Variants in GALC observed in about 807,000 individuals in gnomAD.
GALC encodes galactosylceramidase, also known as galactocerebrosidase.
GALC carries 77 observed loss-of-function variants against 91.8 expected under a neutral mutation model. The observed-to-expected ratio is 0.84, with a 90% CI of 0.70 to 1.01. GALC has a LOEUF of 1.01. Ranked by LOEUF, GALC falls within the 50% of genes least tolerant of loss-of-function variation. The pLI, the probability that GALC is intolerant of heterozygous loss-of-function variation, is 0.00. For synonymous variants in GALC, 357 were observed against 306.7 expected, an observed-to-expected ratio of 1.16 and a Z score of -1.71; for missense variants, 882 against 855.9, an observed-to-expected ratio of 1.03 and a Z score of -0.38.
intron 10 of GALC, chr14:87,954,259 A>C: frequency 2.0e-6 from 3 of 1,534,862 alleles, no homozygotes; most frequent in Non-Finnish European, 1.8e-6. Flanking sequence ...GAGCACCTTC[A>C]GCCTGATGTA....
chr14:87,966,640 G>C (rs1308867777), intron 8 of GALC, among the ~76,000 whole-genome samples: 3 of 152,148 alleles, frequency 2.0e-5, no homozygotes, highest in Non-Finnish European at 4.4e-5. Context: ...CCCATGGTTT[G>C]CAAGATGTGT....
intron 10 of GALC, among the ~76,000 whole-genome samples, chr14:87,959,953 T>C (rs4462528): frequency 0.13 from 19,071 of 152,050 alleles, 1,380 homozygotes; most frequent in South Asian, 0.25. Context: ...CTATTAGTCA[T>C]AGAATGAAAT....
Position 87,941,569 on chromosome 14 carries a change from A to C in GALC, c.1671-11T>G. ...ATAGTCAGATTGGTCCTGCAAAATA[A>C]AACGGTTGATTAGTACTCTTTAAAA... On this transcript the variant is annotated splice_polypyrimidine_tract_variant and intron_variant, in intron 14 of 16. Coordinates refer to ENST00000261304, the MANE Select transcript of GALC (RefSeq NM_000153.4). The C allele has an allele frequency of 6.5e-7, 1 of 1,537,948 alleles. No homozygotes were observed. The highest frequency in any genetic ancestry group is 9.0e-7 in the Non-Finnish European group (1 of 1,110,812).
chr14:87,934,865 G>C lies in GALC; in HGVS notation c.1925C>G (p.Ser642Cys), dbSNP rs755100827. 6 of 1,609,290 alleles carry C rather than the reference G, an allele frequency of 3.7e-6. No individual in the cohort carries two copies. In the East Asian group the frequency reaches 1.3e-4, roughly 36 times the overall value. Residue 642 changes from serine to cysteine, a missense_variant, in exon 17 of 17, where the codon TCT becomes TGT. Transcript: ENST00000261304. Reference sequence around the variant, plus strand: ...CAGAGACTTGTCATTCAGCATGCCAGAGGTGAAATGACCCTAGAGTAGAAA... The same window carrying C: ...CAGAGACTTGTCATTCAGCATGCCACAGGTGAAATGACCCTAGAGTAGAAA... ...LTLTIKGHFT[S>C]GMLNDKSLWT...
At chr14:87,971,325 G>C (rs534286859) in intron 7 of GALC, among the ~76,000 whole-genome samples, 2 of 152,308 alleles carry the variant, frequency 1.3e-5, no homozygotes, top group African/African-American at 4.8e-5. Context: ...GGGGAGCATA[G>C]AAGACCAACT....
chr14:87,943,026 T>C (rs1359881977), intron 14 of GALC, among the ~76,000 whole-genome samples: 3 of 151,968 alleles, frequency 2.0e-5, no homozygotes, highest in African/African-American at 4.8e-5. Context: ...CTATTTAGAG[T>C]TGGAATGAGA....
intron 13 of GALC, among the ~76,000 whole-genome samples, chr14:87,947,301 T>C (rs572747317): frequency 4.6e-5 from 7 of 151,660 alleles, no homozygotes; most frequent in African/African-American, 1.7e-4. Flanking sequence ...CGGGATGGTA[T>C]ATAATGAGTT....
Position 87,945,555 on chromosome 14 carries a change from G to A in GALC, c.1668C>T (p.Asn556=). ...SNTISIIGDY[N]WTNLTIKCDV... ...CACATTGAGAACATCAATCTTACCA[G>A]TTGTAGTCTCCTATAATACTGATTG... is the stretch of plus-strand genomic sequence containing the variant. Residue 556 remains asparagine, a splice_region_variant and synonymous_variant, in exon 14 of 17, where the codon AAC becomes AAT. Transcript: ENST00000261304. 6.3e-7 allele frequency: 1 copy of A among 1,589,902 alleles called. No homozygotes were observed. Among genetic ancestry groups the A allele is most frequent in the Non-Finnish European group, 8.6e-7 (1 of 1,158,222 alleles).
chr14:87,965,056 A>G (rs1264619116), intron 9 of GALC, among the ~76,000 whole-genome samples: 1 of 152,186 alleles, frequency 6.6e-6, no homozygotes, highest in African/African-American at 2.4e-5. Context: ...ATGATTCAAT[A>G]ATACAGTATT....
chr14:87,984,797 A>T (rs1386803171), intron 4 of GALC, among the ~76,000 whole-genome samples: 1 of 151,896 alleles, frequency 6.6e-6, no homozygotes, highest in Non-Finnish European at 1.5e-5. Flanking sequence ...AAATACAAAC[A>T]CCTCTCTCCA....
rs1176265523 is a variant in GALC at position 87,936,921 on chromosome 14, T to TATATATATATATATATATATATA, written c.1912-2044_1912-2043insTATATATATATATATATATATAT. Among the ~76,000 whole-genome samples the TATATATATATATATATATATATA allele has an allele frequency of 2.5e-4, 35 of 141,134 alleles. 3 individuals are homozygous for TATATATATATATATATATATATA. The highest frequency in any genetic ancestry group is 6.1e-4 in the African/African-American group (23 of 37,454). The allele number at this position is 141,134 out of a possible 152,430, so 92.6% of individuals were successfully genotyped here. ...CTATATATATATATATATTTATTTA[T>TATATATATATATATATATATATA]TTTCTCATTGAATCTTCATAAGAAA... On this transcript the variant is annotated intron_variant, in intron 16 of 16. Coordinates refer to ENST00000261304, the MANE Select transcript of GALC (RefSeq NM_000153.4).
intron 12 of GALC, among the ~76,000 whole-genome samples, chr14:87,949,338 C>A (rs1885209543): frequency 1.3e-5 from 2 of 151,948 alleles, no homozygotes; most frequent in South Asian, 4.1e-4. Flanking sequence ...GGGCCATGTG[C>A]TACACTAAGG....
At chr14:87,966,502 TA>T (rs144700146) in intron 8 of GALC, among the ~76,000 whole-genome samples, 17,291 of 151,850 alleles carry the variant, frequency 0.11, 1,145 homozygotes, top group Non-Finnish European at 0.16. Flanking sequence ...TCATCCAGTA[TA>T]AAAAAAAGAG....
At chr14:87,940,071 T>C in intron 15 of GALC, 90 bp from the exon 16 acceptor site, 2 of 995,456 alleles carry the variant, frequency 2.0e-6, no homozygotes, top group East Asian at 2.4e-5. Context: ...GAGTGGCATC[T>C]GTATGTAGTA....
intron 7 of GALC, 142 bp downstream of exon 7, chr14:87,976,216 G>A (rs1441142017): frequency 1.0e-5 from 8 of 785,406 alleles, no homozygotes; most frequent in South Asian, 4.4e-5. Context: ...TGAACTATGA[G>A]CCATGCATGC....
intron 10 of GALC, among the ~76,000 whole-genome samples, chr14:87,957,723 C>A (rs1885615796): frequency 6.6e-6 from 1 of 152,008 alleles, no homozygotes. Flanking sequence ...CCAATAATGA[C>A]AAAACTGAGA....
At chr14:87,992,920 C>T (rs1381699052) in intron 1 of GALC, 50 bp downstream of exon 1, 1 of 1,478,734 alleles carries the variant, frequency 6.8e-7, no homozygotes, top group Non-Finnish European at 8.9e-7. Context: ...GCTGGCCCCA[C>T]GGGGCGGGCT....
intron 14 of GALC, 102 bp from the exon 15 acceptor site, chr14:87,941,660 G>A (rs1884861377): frequency 1.2e-6 from 1 of 859,324 alleles, no homozygotes; most frequent in Non-Finnish European, 2.0e-6. Context: ...TTCTAATTGA[G>A]GTGAGAATGT....
rs59046532 is a variant in GALC, at chr14:87,977,044, G to GGT, written c.622-557_622-556insAC. On this transcript the variant is annotated intron_variant, in intron 6 of 16. Coordinates refer to ENST00000261304, the MANE Select transcript of GALC (RefSeq NM_000153.4). Reference sequence around the variant, plus strand: ...AACCATAGAAATATGGGGGGGGGGGGATGAAACAAAAATAATCAAATGGTA... The same window carrying GGT: ...AACCATAGAAATATGGGGGGGGGGGGGTATGAAACAAAAATAATCAAATGGTA... Among the ~76,000 whole-genome samples, 44 of 124,720 alleles carry GGT rather than the reference G, an allele frequency of 3.5e-4. 2 individuals carry two copies. The highest frequency in any genetic ancestry group is 1.2e-3 in the African/African-American group (34 of 29,430). The allele number at this position is 124,720 out of a possible 152,430, so 81.8% of individuals were successfully genotyped here.
Sources: gnomAD v4.1 joint callset for allele counts (sites outside exome capture counted in the v4.1 genomes callset) on GRCh38, gnomAD v4.1.1 for gene constraint, MANE v1.5 for transcripts, NCBI Gene and HGNC (gene_info 2026-07-23, HGNC 2026-07-21) for gene names.